Variants in CATSPER4 observed in about 807,000 individuals in gnomAD.
CATSPER4 encodes cation channel sperm-associated protein 4.
A neutral mutation model predicts 54.4 loss-of-function variants in CATSPER4; 46 were observed. That is an observed-to-expected ratio of 0.84 (90% CI 0.67 to 1.08). The LOEUF is 1.08. Among genes scored for constraint, CATSPER4 ranks in the 50% least tolerant of loss-of-function variants. CATSPER4 has a pLI of 0.00. For synonymous variants in CATSPER4, 230 were observed against 231.9 expected (o/e 0.99, Z 0.08); for missense variants, 574 against 612.8 (o/e 0.94, Z 0.67).
At chr1:26,190,994 ACT>A (rs1261929460) in intron 1 of CATSPER4, among the ~76,000 whole-genome samples, 154 bp downstream of exon 1, 2 of 151,642 alleles carry the variant, frequency 1.3e-5, no homozygotes, top group Non-Finnish European at 2.9e-5. Context: ...TATGTTAGTA[ACT>A]CTCTGGCAAT....
chr1:26,191,035 T>A (rs945121896), intron 1 of CATSPER4, among the ~76,000 whole-genome samples, 195 bp downstream of exon 1: 1 of 151,996 alleles, frequency 6.6e-6, no homozygotes, highest in African/African-American at 2.4e-5. Context: ...TATATAACGA[T>A]CATCTTCACT....
At chr1:26,200,514 T>G (rs1270475973) in intron 7 of CATSPER4, among the ~76,000 whole-genome samples, 1 of 151,284 alleles carries the variant, frequency 6.6e-6, no homozygotes, top group African/African-American at 2.4e-5. Flanking sequence ...TCTAAAAGAG[T>G]GGAGTGCTGG....
chr1:26,196,913 C>CTT (rs1230900409), intron 3 of CATSPER4, among the ~76,000 whole-genome samples: 9 of 71,390 alleles, frequency 1.3e-4, no homozygotes, highest in Admixed American at 4.1e-4. Context: ...TCTTTTCTTT[C>CTT]TTTTTTTTTT....
At chr1:26,195,404 G>A (rs2088924854) in intron 3 of CATSPER4, among the ~76,000 whole-genome samples, 1 of 152,214 alleles carries the variant, frequency 6.6e-6, no homozygotes, top group Non-Finnish European at 1.5e-5. Flanking sequence ...TCCACTCATG[G>A]CAGAAGGTGA....
chr1:26,190,816 C>A lies in CATSPER4; in HGVS notation c.189C>A (p.Asn63Lys). 2 of 1,611,944 alleles carry A rather than the reference C, an allele frequency of 1.2e-6. No homozygotes were observed. The highest frequency in any genetic ancestry group is 1.7e-6 in the Non-Finnish European group (2 of 1,179,180). ...GGCCAGAGGAGCAAGTGCTCATCAA[C>A]CGCCAGGAAATCACGAACAAAGCGG... ...YGRPEEQVLI[N>K]RQEITNKADA... is the part of the protein sequence containing the mutation. The change falls in exon 1 of 10, where the codon AAC (asparagine) becomes AAA (lysine). Residue 63 changes from asparagine (N) to lysine (K), a missense_variant. Physicochemically the swap from Asn to Lys is moderately conservative, Grantham distance 94. Coordinates refer to ENST00000456354, the MANE Select transcript of CATSPER4 (RefSeq NM_198137.2).
intron 6 of CATSPER4, among the ~76,000 whole-genome samples, 158 bp from the exon 7 acceptor site, chr1:26,199,726 C>T (rs6660744): frequency 0.27 from 40,648 of 152,056 alleles, 6,871 homozygotes; most frequent in Non-Finnish European, 0.37. Context: ...TAGTAGAGAG[C>T]AGCTATTGAG....
In CATSPER4 at chr1:26,197,715, C is replaced by T; in HGVS notation, c.489C>T (p.Ile163=). ...GCTGGAACATCCTCAACTTCATTAT[C>T]GTCTTTATCTTGCTCTTGCGGTTCT... ...KDGWNILNFI[I]VFILLLRFFI... Residue 163 remains isoleucine, a synonymous_variant, in exon 4 of 10, where the codon ATC becomes ATT. Transcript: ENST00000456354. The T allele has an allele frequency of 1.5e-5, 24 of 1,613,696 alleles. No individual in the cohort carries two copies. The highest frequency in any genetic ancestry group is 1.8e-5 in the Non-Finnish European group (21 of 1,179,958).
chr1:26,191,249 G>T, intron 1 of CATSPER4, 38 bp from the exon 2 acceptor site: 1 of 1,612,694 alleles, frequency 6.2e-7, no homozygotes, highest in Non-Finnish European at 8.5e-7. Flanking sequence ...GCTTCCTATG[G>T]TGACACCTGC....
At chr1:26,191,877 T>G (rs2088872863) in intron 2 of CATSPER4, among the ~76,000 whole-genome samples, 1 of 152,036 alleles carries the variant, frequency 6.6e-6, no homozygotes, top group African/African-American at 2.4e-5. Flanking sequence ...ACATGGAGGC[T>G]CAACGAAGGC....
chr1:26,201,296 G>A, intron 8 of CATSPER4, 58 bp from the exon 9 acceptor site: 3 of 1,567,012 alleles, frequency 1.9e-6, no homozygotes, highest in South Asian at 2.2e-5. Context: ...GGAAGAGGTG[G>A]GAGGGCTGCT....
chr1:26,192,635 C>G (rs953245002), intron 2 of CATSPER4, among the ~76,000 whole-genome samples: 2 of 150,758 alleles, frequency 1.3e-5, no homozygotes, highest in African/African-American at 4.9e-5. Context: ...CTCTGTCGCC[C>G]AGGCTGGTCT....
At chr1:26,199,586 G>A (rs1021660728) in intron 6 of CATSPER4, among the ~76,000 whole-genome samples, 14 of 104,432 alleles carry the variant, frequency 1.3e-4, no homozygotes, top group African/African-American at 3.5e-4. Context: ...GCAACACAGC[G>A]AGACTCCATC....
Position 26,198,318 on chromosome 1 carries a change from T to G in CATSPER4, c.711T>G (p.Gly237=). The stretch of plus-strand genomic sequence containing the variant: ...CCGTGTTTGGAGTAACACTCTTTGG[T>G]GCATTCGTGCCCAAGCATTTCCAGA... The part of the protein sequence containing the change: ...VFSVFGVTLF[G]AFVPKHFQNI... Residue 237 remains glycine (G), a synonymous_variant, in exon 6 of 10, where the codon GGT becomes GGG. Coordinates refer to ENST00000456354, the MANE Select transcript of CATSPER4 (RefSeq NM_198137.2). 1 of 1,614,222 alleles carries G rather than the reference T, an allele frequency of 6.2e-7. No homozygotes were observed. Among genetic ancestry groups the G allele is most frequent in the African/African-American group, 1.3e-5 (1 of 75,048 alleles).
intron 3 of CATSPER4, among the ~76,000 whole-genome samples, chr1:26,195,612 C>T (rs1159274262): frequency 6.6e-6 from 1 of 151,470 alleles, no homozygotes; most frequent in South Asian, 2.1e-4. Flanking sequence ...CACCATTCTT[C>T]TGCCTCAGCC....
chr1:26,195,164 T>G (rs1205976149), intron 3 of CATSPER4, among the ~76,000 whole-genome samples: 1 of 152,242 alleles, frequency 6.6e-6, no homozygotes, highest in Non-Finnish European at 1.5e-5. Context: ...ACAGAATTCT[T>G]GCTTCTCTTT....
Position 26,202,471 on chromosome 1 carries a change from A to G in CATSPER4, c.1366-18A>G. The G allele has an allele frequency of 1.2e-6, 2 of 1,609,878 alleles. No individual in the cohort carries two copies. The highest frequency in any genetic ancestry group is 1.7e-6 in the Non-Finnish European group (2 of 1,177,740). On this transcript the variant is annotated intron_variant, in intron 9 of 9. Coordinates refer to ENST00000456354, the MANE Select transcript of CATSPER4 (RefSeq NM_198137.2). ...CGGGGGGAGTGGGGGATTAACAAGA[A>G]GACCTCTTGGTTTGCAGGTTCATGA...
chr1:26,190,933 A>C, intron 1 of CATSPER4, 93 bp downstream of exon 1: 2 of 1,225,204 alleles, frequency 1.6e-6, no homozygotes, highest in Non-Finnish European at 1.2e-6. Flanking sequence ...TACCCTCTAA[A>C]CGCCCCCAGA....
In CATSPER4 at chr1:26,193,848, T is replaced by A. The variant is rs2088903547; in HGVS notation, c.419T>A (p.Val140Asp). The A allele has an allele frequency of 1.2e-6, 2 of 1,614,150 alleles. No individual in the cohort carries two copies. The highest frequency in any genetic ancestry group is 1.7e-6 in the Non-Finnish European group (2 of 1,179,998). Residue 140 changes from valine to aspartate, a missense_variant, in exon 3 of 10, where the codon GTT becomes GAT. Val to Asp is a radical substitution (Grantham distance 152). Coordinates refer to ENST00000456354, the MANE Select transcript of CATSPER4 (RefSeq NM_198137.2). ...GTGCTGACCATCCTTCTTTGTGAGG[T>A]TCTCCTTGGCTGGCTCAATGGCTTC... is the stretch of plus-strand genomic sequence containing the variant. Reference protein sequence around the residue: ...DIVLTILLCEVLLGWLNGFWI... With the variant: ...DIVLTILLCEDLLGWLNGFWI...
In CATSPER4 at chr1:26,197,705, A is replaced by T. The variant is rs1181368472; in HGVS notation, c.479A>T (p.Asn160Ile). Residue 160 changes from asparagine to isoleucine, a missense_variant, in exon 4 of 10, where the codon AAC (asparagine) becomes ATC (isoleucine). Asn to Ile is a moderately radical substitution (Grantham distance 149). Transcript: ENST00000456354. ...CCCCAGGACGGCTGGAACATCCTCAACTTCATTATCGTCTTTATCTTGCTC... is the reference window on the plus strand; with the variant it reads ...CCCCAGGACGGCTGGAACATCCTCATCTTCATTATCGTCTTTATCTTGCTC... ...IFWKDGWNILNFIIVFILLLR... is the reference protein window; with the variant it reads ...IFWKDGWNILIFIIVFILLLR... 1 of 1,613,298 alleles carries T rather than the reference A, an allele frequency of 6.2e-7. No individual in the cohort carries two copies. Among genetic ancestry groups the T allele is most frequent in the African/African-American group, 1.3e-5 (1 of 74,918 alleles).
Sources: allele counts gnomAD v4.1 joint callset (sites outside exome capture counted in the v4.1 genomes callset), GRCh38; gene constraint gnomAD v4.1.1; transcripts MANE v1.5; gene names NCBI Gene and HGNC (gene_info 2026-07-23, HGNC 2026-07-21).